Variants in EXTL3 observed in about 807,000 individuals in gnomAD.
EXTL3 encodes the protein exostosin-like 3.
Under a neutral mutation model 69.3 loss-of-function variants are expected in EXTL3, and 27 were observed. The ratio of observed to expected loss-of-function variants is 0.39; its 90% confidence interval spans 0.29 to 0.54. The LOEUF is 0.54. Among genes scored for constraint, EXTL3 ranks in the 20% least tolerant of loss-of-function variants. The pLI is 0.69. For missense variants in EXTL3, 1,003 were observed against 1,231.8 expected (o/e 0.81, Z 2.78); for synonymous variants, 511 against 499.4 (o/e 1.02, Z -0.31).
At chr8:28,621,681 A>G (rs1428132066), upstream of EXTL3, among the ~76,000 whole-genome samples, 101 of 152,338 alleles carry the variant, frequency 6.6e-4, no homozygotes, top group South Asian at 2.1e-4. Flanking sequence ...AAATATTGCA[A>G]TGCCATCCAC....
intron 1 of EXTL3, among the ~76,000 whole-genome samples, chr8:28,707,544 G>A (rs1192875718): frequency 6.6e-6 from 1 of 152,226 alleles, no homozygotes; most frequent in Non-Finnish European, 1.5e-5. Flanking sequence ...AGTGCTGTTT[G>A]TCTTCCTTAG....
chr8:28,647,288 G>C (rs1806847561), intron 1 of EXTL3, among the ~76,000 whole-genome samples: 1 of 151,910 alleles, frequency 6.6e-6, no homozygotes, highest in Non-Finnish European at 1.5e-5. Flanking sequence ...TTATTTAGTA[G>C]AGACGGGGGT....
chr8:28,742,881 T>C (rs1476567045), intron 5 of EXTL3: 1 of 613,432 alleles, frequency 1.6e-6, no homozygotes, highest in African/African-American at 1.8e-5. Flanking sequence ...GGGGTGATGA[T>C]GGCAGTTTGA....
At chr8:28,649,346 G>GTA (rs1806882316) in intron 1 of EXTL3, among the ~76,000 whole-genome samples, 1 of 152,152 alleles carries the variant, frequency 6.6e-6, no homozygotes, top group Non-Finnish European at 1.5e-5. Flanking sequence ...CCAGTTGATG[G>GTA]TGTGTATGAC....
chr8:28,725,810 T>C (rs915753787), intron 3 of EXTL3, among the ~76,000 whole-genome samples: 14 of 152,288 alleles, frequency 9.2e-5, no homozygotes, highest in African/African-American at 3.4e-4. Flanking sequence ...TTGGTTTGAT[T>C]TGAAACAAAA....
intron 5 of EXTL3, 31 bp from the exon 6 acceptor site, chr8:28,743,055 G>C (rs2048369): frequency 0.26 from 413,190 of 1,612,244 alleles, 54,881 homozygotes; most frequent in Middle Eastern, 0.31. Context: ...TCTTGTAACA[G>C]AGCATGTGGT....
At chr8:28,712,573 C>T (rs1370183397) in intron 1 of EXTL3, among the ~76,000 whole-genome samples, 1 of 152,158 alleles carries the variant, frequency 6.6e-6, no homozygotes, top group Non-Finnish European at 1.5e-5. Context: ...TTTCTAGAGG[C>T]TGATATGTTT....
At chr8:28,659,337 G>C (rs1807067096) in intron 1 of EXTL3, among the ~76,000 whole-genome samples, 1 of 151,804 alleles carries the variant, frequency 6.6e-6, no homozygotes, top group Admixed American at 6.6e-5. Context: ...TGAAGTGTCT[G>C]CATTTATAAA....
chr8:28,718,470 C>T (rs181236017), intron 3 of EXTL3, among the ~76,000 whole-genome samples: 46 of 152,240 alleles, frequency 3.0e-4, no homozygotes, highest in African/African-American at 1.0e-3. Flanking sequence ...ATATACAAAA[C>T]CTTGTCGGTT....
upstream of EXTL3, among the ~76,000 whole-genome samples, chr8:28,620,564 A>G (rs1463919386): frequency 2.6e-5 from 4 of 152,178 alleles, no homozygotes; most frequent in African/African-American, 9.6e-5. Flanking sequence ...GGCACATTAC[A>G]TACCCCATGT....
chr8:28,723,826 G>C (rs1801350943), intron 3 of EXTL3, among the ~76,000 whole-genome samples: 1 of 151,898 alleles, frequency 6.6e-6, no homozygotes, highest in African/African-American at 2.4e-5. Context: ...ATTTTTAGTA[G>C]AGTCAGGATT....
chr8:28,631,715 G>C (rs1419512067), intron 1 of EXTL3: 2 of 152,166 alleles, frequency 1.3e-5, no homozygotes, highest in Non-Finnish European at 2.9e-5. Context: ...TTTGAAGTCA[G>C]GTATATCAAG....
intron 1 of EXTL3, among the ~76,000 whole-genome samples, chr8:28,662,925 C>G (rs1318000971): frequency 6.6e-6 from 1 of 151,976 alleles, no homozygotes; most frequent in South Asian, 2.1e-4. Context: ...CCACTGCACT[C>G]TAGCCTGGAA....
chr8:28,658,825 C>T (rs1807056762), intron 1 of EXTL3, among the ~76,000 whole-genome samples: 1 of 152,194 alleles, frequency 6.6e-6, no homozygotes, highest in South Asian at 2.1e-4. Context: ...AAGTGATCCA[C>T]CCACCTCAGC....
intron 1 of EXTL3, among the ~76,000 whole-genome samples, chr8:28,678,743 A>C (rs888004690): frequency 6.6e-6 from 1 of 152,152 alleles, no homozygotes; most frequent in Non-Finnish European, 1.5e-5. Flanking sequence ...TACTGTGGAG[A>C]AGAGAAAGTT....
Position 28,683,417 on chromosome 8 carries a change from C to A in EXTL3, c.-52-30040C>A, listed in dbSNP as rs373180978. ...TTCCATTTATTTGTGTCTGTAATTT[C>A]TTTCATTGATTTTTTGGGGGGATAT... On this transcript the variant is annotated intron_variant, in intron 1 of 6. Coordinates refer to the EXTL3 transcript ENST00000523149. 1.9e-4 allele frequency among the ~76,000 whole-genome samples: 29 copies of A among 152,190 alleles called. 1 individual carries two copies. The highest frequency in any genetic ancestry group is 7.0e-4 in the African/African-American group (29 of 41,516).
At chr8:28,609,163 C>CAGTG (rs1477649204) in intron 2 of EXTL3, among the ~76,000 whole-genome samples, 1 of 152,054 alleles carries the variant, frequency 6.6e-6, no homozygotes, top group African/African-American at 2.4e-5. Context: ...GTCCAGAGCA[C>CAGTG]AGTGAGTGAA....
At chr8:28,667,926 CTT>C (rs1047300577) in intron 1 of EXTL3, among the ~76,000 whole-genome samples, 6 of 151,564 alleles carry the variant, frequency 4.0e-5, no homozygotes, top group Non-Finnish European at 7.4e-5. Flanking sequence ...CATCCCAACA[CTT>C]TGGGGAATTG....
chr8:28,728,923 C>G (rs1051880894), intron 3 of EXTL3, among the ~76,000 whole-genome samples: 2 of 152,104 alleles, frequency 1.3e-5, no homozygotes, highest in African/African-American at 4.8e-5. Flanking sequence ...GTTCTGTAAT[C>G]AAGTAAACAA....
Sources: allele counts gnomAD v4.1 joint callset (sites outside exome capture counted in the v4.1 genomes callset), GRCh38; gene constraint gnomAD v4.1.1; transcripts MANE v1.5; gene names NCBI Gene and HGNC (gene_info 2026-07-23, HGNC 2026-07-21).